Variants in KANK4 observed in about 807,000 individuals in gnomAD.
KANK4 encodes the protein KN motif and ankyrin repeat domain-containing protein 4.
A neutral mutation model predicts 80.8 loss-of-function variants in KANK4; 50 were observed. The observed-to-expected ratio is 0.62, with a 90% CI of 0.49 to 0.78. The LOEUF (loss-of-function observed/expected upper bound fraction) is 0.78, where lower values mean the gene tolerates loss of function less well. KANK4 is among the 30% of genes least tolerant of loss of function. KANK4 has a pLI of 0.00. For synonymous variants in KANK4, 465 were observed against 506.9 expected (o/e 0.92, Z 1.11); for missense variants, 1,196 against 1,240.1 (o/e 0.96, Z 0.53).
chr1:62,273,602 A>T lies in KANK4; in HGVS notation c.1502T>A (p.Ile501Asn). 1 of 1,614,088 alleles carries T rather than the reference A, an allele frequency of 6.2e-7. No individual in the cohort carries two copies. Among genetic ancestry groups the T allele is most frequent in the Non-Finnish European group, 8.5e-7 (1 of 1,180,014 alleles). The change falls in exon 3 of 10, where the codon ATT (isoleucine) becomes AAT (asparagine). Residue 501 changes from isoleucine to asparagine, a missense_variant. Physicochemically the swap from Ile to Asn is moderately radical, Grantham distance 149 (BLOSUM62 -3). Coordinates refer to ENST00000371153, the MANE Select transcript of KANK4 (RefSeq NM_181712.5). ...VHSFLSTELR[I>N]EEAGTEQEGG... ...TTCCTGTTCAGTGCCTGCTTCTTCA[A>T]TCCTGAGTTCAGTGGAGAGGAAGCT... is the stretch of plus-strand genomic sequence containing the variant.
rs767062382 is a variant in KANK4 at position 62,268,480 on chromosome 1, T to A, written c.2038A>T (p.Thr680Ser). The change falls in exon 5 of 10, where the codon ACC (threonine) becomes TCC (serine). Residue 680 changes from threonine to serine, a missense_variant. Physicochemically the swap from Thr to Ser is moderately conservative, Grantham distance 58. Around this residue, in one of 3 missense-constraint regions of KANK4, gnomAD observed 1,154 missense variants for 1,179.6 expected, o/e 0.98. Transcript: ENST00000371153. ...TCTGGGGTGCTGTCCTCACCGCTGGTCTCCTCACTTGAGGTGGTCTCATAC... is the reference window on the plus strand; with the variant it reads ...TCTGGGGTGCTGTCCTCACCGCTGGACTCCTCACTTGAGGTGGTCTCATAC... ...GGYETTSSEE[T>S]SGEDSTPEDL... 6.2e-7 allele frequency: 1 copy of A among 1,613,570 alleles called. No homozygotes were observed. Among genetic ancestry groups the A allele is most frequent in the African/African-American group, 1.3e-5 (1 of 74,922 alleles).
chr1:62,251,672 C>T (rs1174497498), intron 8 of KANK4, among the ~76,000 whole-genome samples: 1 of 152,022 alleles, frequency 6.6e-6, no homozygotes, highest in African/African-American at 2.4e-5. Context: ...GGAGTGAACC[C>T]CAATCAACTT....
At chr1:62,316,061 A>G (rs1037942942) in intron 1 of KANK4, among the ~76,000 whole-genome samples, 7 of 152,228 alleles carry the variant, frequency 4.6e-5, no homozygotes, top group Non-Finnish European at 8.8e-5. Flanking sequence ...AGCAAGCAAG[A>G]ACCCCGTTCT....
chr1:62,265,175 A>G (rs944700665), intron 6 of KANK4, among the ~76,000 whole-genome samples: 7 of 152,040 alleles, frequency 4.6e-5, no homozygotes, highest in Admixed American at 2.0e-4. Flanking sequence ...CCTTAGTTCG[A>G]TAATTCAATT....
At chr1:62,299,029 GATGAATT>G (rs1644390395) in intron 1 of KANK4, among the ~76,000 whole-genome samples, 2 of 151,968 alleles carry the variant, frequency 1.3e-5, no homozygotes, top group South Asian at 4.2e-4. Flanking sequence ...CAGAGCTAGG[GATGAATT>G]TAGGTGTTCC....
At chr1:62,255,188 C>A (rs1411014616) in intron 7 of KANK4, among the ~76,000 whole-genome samples, 1 of 151,968 alleles carries the variant, frequency 6.6e-6, no homozygotes. Context: ...CCTAGCCAAA[C>A]CTGACATATT....
intron 1 of KANK4, among the ~76,000 whole-genome samples, chr1:62,300,368 A>G (rs1249008575): frequency 6.6e-6 from 1 of 152,144 alleles, no homozygotes; most frequent in Non-Finnish European, 1.5e-5. Context: ...CTCATGGATG[A>G]AAAAGACAGG....
intron 6 of KANK4, chr1:62,263,560 C>G: frequency 6.4e-6 from 3 of 465,118 alleles, no homozygotes; most frequent in Middle Eastern, 5.7e-4. Flanking sequence ...TAACAAGGCA[C>G]TTAACTGGAA....
At chr1:62,298,171 ATT>A (rs1025403669) in intron 1 of KANK4, 2 of 152,094 alleles carry the variant, frequency 1.3e-5, no homozygotes, top group African/African-American at 4.8e-5. Context: ...TGCTTCATGA[ATT>A]TTTGTGTCAT....
chr1:62,238,997 C>A (rs891040373), intron 9 of KANK4, among the ~76,000 whole-genome samples: 1 of 151,926 alleles, frequency 6.6e-6, no homozygotes, highest in Non-Finnish European at 1.5e-5. Context: ...TTACATGTAT[C>A]TAAGTGAAAG....
At chr1:62,312,267 T>C (rs1644503607) in intron 1 of KANK4, among the ~76,000 whole-genome samples, 1 of 152,234 alleles carries the variant, frequency 6.6e-6, no homozygotes, top group South Asian at 2.1e-4. Flanking sequence ...TCAAGGTATC[T>C]GTCGCAGCTA....
intron 1 of KANK4, among the ~76,000 whole-genome samples, chr1:62,294,645 T>C (rs1043008450): frequency 6.6e-6 from 1 of 151,968 alleles, no homozygotes; most frequent in African/African-American, 2.4e-5. Flanking sequence ...CCCCAGAACC[T>C]GGGTGGAGAA....
intron 7 of KANK4, 49 bp downstream of exon 7, chr1:62,263,043 C>T: frequency 7.0e-7 from 1 of 1,427,588 alleles, no homozygotes; most frequent in Middle Eastern, 2.1e-4. Flanking sequence ...AAAAATTGCC[C>T]TGCTCTTCAA....
intron 1 of KANK4, among the ~76,000 whole-genome samples, chr1:62,303,738 C>T (rs955468539): frequency 3.3e-5 from 5 of 151,950 alleles, no homozygotes; most frequent in Non-Finnish European, 5.9e-5. Flanking sequence ...TTTTTTGGTA[C>T]TGATCACATG....
At chr1:62,285,114 G>T (rs58548699) in intron 1 of KANK4, among the ~76,000 whole-genome samples, 8,950 of 152,232 alleles carry the variant, frequency 0.059, 649 homozygotes, top group African/African-American at 0.18. Flanking sequence ...GGAAACTAAG[G>T]CACAAAGAGT....
At chr1:62,277,409 C>G (rs906657296) in intron 2 of KANK4, among the ~76,000 whole-genome samples, 3 of 152,134 alleles carry the variant, frequency 2.0e-5, no homozygotes, top group South Asian at 2.1e-4. Context: ...ATTCCTACCC[C>G]CTTTGGACAA....
At chr1:62,288,221 G>A (rs2149158595) in intron 1 of KANK4, among the ~76,000 whole-genome samples, 1 of 152,294 alleles carries the variant, frequency 6.6e-6, no homozygotes, top group African/African-American at 2.4e-5. Flanking sequence ...TCACGGGACT[G>A]GAGGGAGGTT....
At chr1:62,252,199 G>A (rs1161172766) in intron 8 of KANK4, among the ~76,000 whole-genome samples, 1 of 152,136 alleles carries the variant, frequency 6.6e-6, no homozygotes, top group Non-Finnish European at 1.5e-5. Flanking sequence ...TGACATTTAA[G>A]GGCTCTTCTG....
chr1:62,295,503 C>T (rs372357999), intron 1 of KANK4, among the ~76,000 whole-genome samples: 30 of 152,202 alleles, frequency 2.0e-4, no homozygotes, highest in African/African-American at 7.2e-4. Flanking sequence ...TCTTTCAAAT[C>T]AAGGTTCCCC....
Sources: gnomAD v4.1 joint callset for allele counts (sites outside exome capture counted in the v4.1 genomes callset) on GRCh38, gnomAD v4.1.1 for gene constraint, gnomAD v4.1.1 regional missense constraint, MANE v1.5 for transcripts, NCBI Gene and HGNC (gene_info 2026-07-23, HGNC 2026-07-21) for gene names.